RGS6: variants seen among roughly 807,000 people sequenced by gnomAD.
RGS6 encodes regulator of G protein signaling 6, also known as regulator of G-protein signaling 6.
A neutral mutation model predicts 78.5 loss-of-function variants in RGS6; 30 were observed. The observed-to-expected ratio is 0.38, with a 90% CI of 0.29 to 0.52. The LOEUF (loss-of-function observed/expected upper bound fraction) is 0.52, where lower values mean the gene tolerates loss of function less well. Ranked by LOEUF, RGS6 falls within the 20% of genes least tolerant of loss-of-function variation. RGS6 has a pLI of 0.85. For missense variants in RGS6, 495 were observed against 609.7 expected, an observed-to-expected ratio of 0.81 and a Z score of 1.98; for synonymous variants, 206 against 206.0, an observed-to-expected ratio of 1.00 and a Z score of 0.00.
upstream of RGS6, among the ~76,000 whole-genome samples, chr14:71,927,441 A>G (rs540861704): frequency 6.6e-6 from 1 of 152,216 alleles, no homozygotes; most frequent in South Asian, 2.1e-4. Flanking sequence ...TGCAAAGAGA[A>G]AAAAAAATCC....
At chr14:72,296,404 A>G (rs1301159224) in intron 2 of RGS6, among the ~76,000 whole-genome samples, 1 of 152,208 alleles carries the variant, frequency 6.6e-6, no homozygotes, top group Non-Finnish European at 1.5e-5. Context: ...CTTTTAAGAA[A>G]AAAACTATCA....
At chr14:71,954,654 C>T (rs2092650407) in intron 1 of RGS6, among the ~76,000 whole-genome samples, 1 of 152,112 alleles carries the variant, frequency 6.6e-6, no homozygotes, top group Non-Finnish European at 1.5e-5. Flanking sequence ...CCCTCTTGTG[C>T]TATCAAATGG....
chr14:72,000,946 G>T (rs184213743), intron 2 of RGS6, among the ~76,000 whole-genome samples: 111 of 152,326 alleles, frequency 7.3e-4, no homozygotes, highest in African/African-American at 2.6e-3. Context: ...AGACCACAAA[G>T]AACTTGGTCT....
At chr14:72,470,982 G>A (rs541331456) in intron 8 of RGS6, among the ~76,000 whole-genome samples, 1 of 151,866 alleles carries the variant, frequency 6.6e-6, no homozygotes, top group South Asian at 2.1e-4. Context: ...GTATCTATAG[G>A]CCTCCTCTCC....
the RGS6 span, among the ~76,000 whole-genome samples, chr14:72,608,656 G>A: frequency 1.3e-5 from 2 of 152,134 alleles, no homozygotes; most frequent in African/African-American, 4.8e-5. Flanking sequence ...TCCAGAAAAG[G>A]AGCTGCTCTA....
intron 3 of RGS6, among the ~76,000 whole-genome samples, chr14:72,360,274 C>T (rs1479167341): frequency 1.3e-5 from 2 of 151,944 alleles, no homozygotes; most frequent in Non-Finnish European, 2.9e-5. Flanking sequence ...CTAATCCCAG[C>T]ACTTTGGGAG....
chr14:72,392,102 T>G (rs2090126493), intron 3 of RGS6, among the ~76,000 whole-genome samples: 1 of 152,178 alleles, frequency 6.6e-6, no homozygotes, highest in African/African-American at 2.4e-5. Context: ...CACTGTAGCC[T>G]CTGTCTCCTA....
intron 2 of RGS6, among the ~76,000 whole-genome samples, chr14:72,207,046 T>C (rs1599510347): frequency 6.6e-6 from 1 of 152,228 alleles, no homozygotes; most frequent in East Asian, 1.9e-4. Context: ...ATTGCTTCTG[T>C]AATTTATGAA....
At position 72,104,850 on chromosome 14, in the gene RGS6, T is replaced by A. The variant is rs551172459; in HGVS notation, c.84+139975T>A. On this transcript the variant is annotated intron_variant, in intron 2 of 17. Transcript: ENST00000553525. Reference sequence around the variant, plus strand: ...GAGGGGCAGGGGTAGGGTACAGAATTCTGTGTTTTAAATAAGCTCTCAGGT... The same window carrying A: ...GAGGGGCAGGGGTAGGGTACAGAATACTGTGTTTTAAATAAGCTCTCAGGT... Among the ~76,000 whole-genome samples the A allele has an allele frequency of 5.3e-5, 8 of 152,300 alleles. No individual in the cohort carries two copies. In the East Asian group the frequency reaches 1.5e-3, roughly 29 times the overall value.
intron 17 of RGS6, among the ~76,000 whole-genome samples, chr14:72,550,134 C>T (rs61995154): frequency 2.6e-5 from 4 of 152,024 alleles, no homozygotes; most frequent in East Asian, 3.9e-4. Context: ...TTTTTCCTCT[C>T]CATCTTTTGC....
intron 2 of RGS6, among the ~76,000 whole-genome samples, chr14:72,221,243 C>G (rs1314338731): frequency 6.6e-6 from 1 of 152,182 alleles, no homozygotes; most frequent in Non-Finnish European, 1.5e-5. Flanking sequence ...TTTATGTCTA[C>G]AAAATTTGCA....
At chr14:72,290,844 T>A (rs2152324995) in intron 2 of RGS6, among the ~76,000 whole-genome samples, 1 of 152,322 alleles carries the variant, frequency 6.6e-6, no homozygotes, top group East Asian at 1.9e-4. Flanking sequence ...TGTTTGTAGC[T>A]GTCAACTCTG....
At chr14:72,543,937 T>C (rs776750507) in intron 17 of RGS6, among the ~76,000 whole-genome samples, 9 of 152,216 alleles carry the variant, frequency 5.9e-5, no homozygotes, top group Non-Finnish European at 1.3e-4. Context: ...GGTTTCACCA[T>C]ATTGGCCAGG....
chr14:72,629,212 T>G, the RGS6 span, among the ~76,000 whole-genome samples: 1 of 152,238 alleles, frequency 6.6e-6, no homozygotes, highest in African/African-American at 2.4e-5. Context: ...ACGGAGACTA[T>G]GGAGAGGGAG....
chr14:72,045,117 A>G (rs1171228486), intron 2 of RGS6, among the ~76,000 whole-genome samples: 1 of 152,156 alleles, frequency 6.6e-6, no homozygotes, highest in Non-Finnish European at 1.5e-5. Context: ...CCATAATCAG[A>G]TTTAATTCCC....
chr14:72,315,500 G>A (rs573686962), intron 2 of RGS6, among the ~76,000 whole-genome samples: 52 of 152,318 alleles, frequency 3.4e-4, no homozygotes, highest in African/African-American at 1.2e-3. Context: ...CTGCCCTGGA[G>A]AGAACTGTAA....
At chr14:72,437,340 CAAAAAAAAAAAAAA>C (rs57302818) in intron 3 of RGS6, among the ~76,000 whole-genome samples, 14,130 of 81,590 alleles carry the variant, frequency 0.17, 1,389 homozygotes, top group African/African-American at 0.35. Context: ...GACTCCATCT[CAAAAAAAAAAAAAA>C]AAAAAAAAGG....
the RGS6 span, among the ~76,000 whole-genome samples, chr14:72,576,873 C>T: frequency 6.6e-6 from 1 of 152,212 alleles, no homozygotes; most frequent in Non-Finnish European, 1.5e-5. Flanking sequence ...TGCATCTGGG[C>T]TCCAGTTTGA....
At chr14:71,970,127 T>A (rs531605298) in intron 2 of RGS6, among the ~76,000 whole-genome samples, 1 of 152,232 alleles carries the variant, frequency 6.6e-6, no homozygotes, top group Non-Finnish European at 1.5e-5. Flanking sequence ...TATAAAATTA[T>A]CATTTTGTAG....
Sources: gnomAD v4.1 joint callset for allele counts (sites outside exome capture counted in the v4.1 genomes callset) on GRCh38, gnomAD v4.1.1 for gene constraint, MANE v1.5 for transcripts, NCBI Gene and HGNC (gene_info 2026-07-23, HGNC 2026-07-21) for gene names.